Variants in EP300 observed in about 807,000 individuals in gnomAD.
EP300 encodes histone acetyltransferase p300.
A neutral mutation model predicts 264.0 loss-of-function variants in EP300; 31 were observed. The observed-to-expected ratio is 0.12, with a 90% CI of 0.09 to 0.16. The LOEUF is 0.16. EP300 is among the 10% of genes least tolerant of loss of function. The pLI, the probability that EP300 is intolerant of heterozygous loss-of-function variation, is 1.00. For missense variants in EP300, 2,766 were observed against 3,052.9 expected (o/e 0.91, Z 2.21); for synonymous variants, 1,340 against 1,045.4 (o/e 1.28, Z -5.44).
At chr22:41,128,693 A>C (rs1377965523) in intron 4 of EP300, among the ~76,000 whole-genome samples, 2 of 151,160 alleles carry the variant, frequency 1.3e-5, no homozygotes, top group African/African-American at 4.9e-5. Flanking sequence ...TTGTATTTTT[A>C]GTGGAGACGG....
intron 1 of EP300, among the ~76,000 whole-genome samples, chr22:41,111,587 G>A (rs2058790775): frequency 6.6e-6 from 1 of 151,882 alleles, no homozygotes; most frequent in Admixed American, 6.6e-5. Context: ...TTGTCACCCA[G>A]GGTAGAGTGC....
In EP300 at chr22:41,177,718, C is replaced by A. The variant is rs771512182; in HGVS notation, c.6007C>A (p.Pro2003Thr). 35 of 1,613,680 alleles carry A rather than the reference C, an allele frequency of 2.2e-5. No homozygotes were observed. Among genetic ancestry groups the A allele is most frequent in the Non-Finnish European group, 2.8e-5 (33 of 1,180,036 alleles). Residue 2003 changes from proline (P) to threonine (T), a missense_variant, in exon 31 of 31, where the codon CCC (proline) becomes ACC (threonine). Physicochemically the swap from Pro to Thr is conservative, Grantham distance 38. Coordinates refer to ENST00000263253, the MANE Select transcript of EP300 (RefSeq NM_001429.4). The part of the protein sequence containing the change: ...PPWSQGGLPQ[P>T]QQLQSGMPRP... ...CTGGAGCCAAGGAGGATTGCCTCAG[C>A]CCCAGCAACTACAGTCTGGGATGCC...
chr22:41,112,135 G>A (rs1420176015), intron 1 of EP300, among the ~76,000 whole-genome samples: 2 of 151,250 alleles, frequency 1.3e-5, no homozygotes, highest in Non-Finnish European at 2.9e-5. Flanking sequence ...TGATCCGCCC[G>A]CCTTGGCCTC....
At chr22:41,097,814 C>G (rs1003282271) in intron 1 of EP300, among the ~76,000 whole-genome samples, 1 of 151,434 alleles carries the variant, frequency 6.6e-6, no homozygotes, top group African/African-American at 2.4e-5. Flanking sequence ...GAGGCAGAGT[C>G]TCGCTTTGTA....
intron 1 of EP300, among the ~76,000 whole-genome samples, chr22:41,098,736 C>A (rs1052809143): frequency 6.6e-6 from 1 of 152,122 alleles, no homozygotes; most frequent in South Asian, 2.1e-4. Flanking sequence ...AAGAGAGTAG[C>A]TAAGAGAATG....
rs921665579 is a variant in EP300 at position 41,169,204 on chromosome 22, C to T, written c.4173-299C>T. On this transcript the variant is annotated intron_variant, in intron 25 of 30. Coordinates refer to ENST00000263253, the MANE Select transcript of EP300 (RefSeq NM_001429.4). ...TATCATACAAATCGGGTGGGAATTT[C>T]TTTTCTCCAAAAATAGTATAAAGGC... 2.9e-5 allele frequency: 16 copies of T among 543,844 alleles called. No homozygotes were observed. The East Asian group carries it at 4.9e-4, about 17-fold the overall frequency. 33.7% of individuals were successfully genotyped at this position (543,844 alleles called of 1,614,324 possible).
At chr22:41,136,984 C>A (rs1028368611) in intron 7 of EP300, among the ~76,000 whole-genome samples, 2 of 151,976 alleles carry the variant, frequency 1.3e-5, no homozygotes, top group African/African-American at 4.8e-5. Context: ...CGCTTGAACC[C>A]CGGAGGCAGA....
chr22:41,168,123 C>A (rs2059150792), intron 23 of EP300: 3 of 364,650 alleles, frequency 8.2e-6, no homozygotes, highest in Non-Finnish European at 1.6e-5. Flanking sequence ...CACCCGGCCC[C>A]TGTTCTGTAT....
rs878970612 is a variant in EP300, at chr22:41,154,887, A to C, written c.3143-108A>C. The stretch of plus-strand genomic sequence containing the variant: ...TATTTCCATGGGGACAGAGTGGTTA[A>C]TTTTGTTATTGATTCTTGAGATGCT... On this transcript the variant is annotated intron_variant, in intron 16 of 30. Coordinates refer to ENST00000263253, the MANE Select transcript of EP300 (RefSeq NM_001429.4). The C allele has an allele frequency of 3.8e-6, 3 of 789,804 alleles. No individual in the cohort carries two copies. The African/African-American group carries it at 5.1e-5, about 13-fold the overall frequency. 48.9% of individuals were successfully genotyped at this position (789,804 alleles called of 1,614,324 possible).
rs758097366 is a variant in EP300 at position 41,166,581 on chromosome 22, GTT to G, written c.3807-15_3807-14del. 4.4e-6 allele frequency: 7 copies of G among 1,608,848 alleles called. No individual in the cohort carries two copies. The African/African-American group carries it at 9.3e-5, about 21-fold the overall frequency. On this transcript the variant is annotated splice_polypyrimidine_tract_variant and intron_variant, in intron 22 of 30. Transcript: ENST00000263253. Reference sequence around the variant, plus strand: ...GGTTTATCTAAGTTGTGTAAGCAAAGTTTTGGTTTACATTTAGATTCGTCTGT... The same window carrying G: ...GGTTTATCTAAGTTGTGTAAGCAAAGTTGGTTTACATTTAGATTCGTCTGT...
At chr22:41,103,996 T>C (rs1369383543) in intron 1 of EP300, among the ~76,000 whole-genome samples, 1 of 152,210 alleles carries the variant, frequency 6.6e-6, no homozygotes, top group East Asian at 1.9e-4. Context: ...TTGTTATAAA[T>C]GTAGAAAATA....
At chr22:41,166,282 T>C (rs1215830218) in intron 22 of EP300, among the ~76,000 whole-genome samples, 4 of 152,234 alleles carry the variant, frequency 2.6e-5, no homozygotes, top group African/African-American at 7.2e-5. Context: ...TAGTAGCATA[T>C]AGGAAATGTC....
intron 26 of EP300, among the ~76,000 whole-genome samples, chr22:41,170,103 G>A (rs2059161346): frequency 6.6e-6 from 1 of 152,142 alleles, no homozygotes; most frequent in African/African-American, 2.4e-5. Flanking sequence ...TCTTCATTTG[G>A]TCTTAACATG....
intron 3 of EP300, chr22:41,126,412 T>C (rs993201600): frequency 2.0e-5 from 4 of 203,082 alleles, no homozygotes; most frequent in Admixed American, 1.1e-4. Context: ...AGTGACCATA[T>C]TTACCAATAT....
At chr22:41,137,087 A>G (rs1466832908) in intron 7 of EP300, among the ~76,000 whole-genome samples, 1 of 151,770 alleles carries the variant, frequency 6.6e-6, no homozygotes, top group Non-Finnish European at 1.5e-5. Flanking sequence ...GGCTGGGCTC[A>G]GTGGCTCACG....
intron 1 of EP300, among the ~76,000 whole-genome samples, chr22:41,093,484 T>G (rs1379080245): frequency 1.3e-5 from 2 of 152,216 alleles, no homozygotes; most frequent in African/African-American, 4.8e-5. Flanking sequence ...TCCTTTCTCT[T>G]TACTGTACTT....
intron 22 of EP300, among the ~76,000 whole-genome samples, chr22:41,165,962 T>G (rs1006271782): frequency 6.6e-6 from 1 of 151,630 alleles, no homozygotes; most frequent in Admixed American, 6.6e-5. Flanking sequence ...TTCTTGTATT[T>G]TTACTAGAGA....
At chr22:41,173,204 C>T (rs544977114) in intron 28 of EP300, among the ~76,000 whole-genome samples, 31 of 152,342 alleles carry the variant, frequency 2.0e-4, no homozygotes, top group African/African-American at 6.7e-4. Context: ...CAAACTCTTA[C>T]AGCCTTGTCA....
At position 41,141,040 on chromosome 22, in the gene EP300, T is replaced by C. The variant is rs2145725799; in HGVS notation, c.1879-8T>C. Reference sequence around the variant, plus strand: ...CATCTCCCTTATTTTACTTCAACAATTCAAAAGGCGGAATACTACCACCTT... The same window carrying C: ...CATCTCCCTTATTTTACTTCAACAACTCAAAAGGCGGAATACTACCACCTT... On this transcript the variant is annotated splice_polypyrimidine_tract_variant and splice_region_variant and intron_variant, in intron 9 of 30. Transcript: ENST00000263253. 1 of 1,613,396 alleles carries C rather than the reference T, an allele frequency of 6.2e-7. No homozygotes were observed. The highest frequency in any genetic ancestry group is 8.5e-7 in the Non-Finnish European group (1 of 1,179,712).
Sources: allele counts gnomAD v4.1 joint callset (sites outside exome capture counted in the v4.1 genomes callset), GRCh38; gene constraint gnomAD v4.1.1; transcripts MANE v1.5; gene names NCBI Gene and HGNC (gene_info 2026-07-23, HGNC 2026-07-21).